The following ADCY5 variants were observed in gnomAD, a reference collection of about 807,000 sequenced individuals.
ADCY5 encodes adenylate cyclase 5.
Under a neutral mutation model 119.7 loss-of-function variants are expected in ADCY5, and 30 were observed. The ratio of observed to expected loss-of-function variants is 0.25; its 90% CI spans 0.19 to 0.34. The LOEUF (loss-of-function observed/expected upper bound fraction) is 0.34, where lower values mean the gene tolerates loss of function less well. Among genes scored for constraint, ADCY5 ranks in the 10% least tolerant of loss-of-function variants. The pLI is 1.00. For missense variants in ADCY5, 1,324 were observed against 1,775.2 expected (o/e 0.75, Z 4.57); for synonymous variants, 753 against 762.2 (o/e 0.99, Z 0.20).
At chr3:123,368,752 C>CAA (rs34756449) in intron 1 of ADCY5, among the ~76,000 whole-genome samples, 26,357 of 133,966 alleles carry the variant, frequency 0.2, 2,733 homozygotes, top group Middle Eastern at 0.26. Flanking sequence ...ACTGTGTCTC[C>CAA]AAAAAAAAAA....
intron 1 of ADCY5, among the ~76,000 whole-genome samples, chr3:123,361,432 T>C (rs922342599): frequency 1.3e-5 from 2 of 152,158 alleles, no homozygotes; most frequent in African/African-American, 4.8e-5. Flanking sequence ...CCCCAGGACA[T>C]TTTCAACATC....
At position 123,320,722 on chromosome 3, in the gene ADCY5, A is replaced by G. The variant is rs772550983; in HGVS notation, c.2111+27T>C. The G allele has an allele frequency of 1.9e-6, 3 of 1,612,124 alleles. No individual in the cohort carries two copies. In the South Asian group the frequency reaches 3.3e-5, roughly 18 times the overall value. On this transcript the variant is annotated intron_variant, in intron 9 of 20. Coordinates refer to ENST00000462833, the MANE Select transcript of ADCY5 (RefSeq NM_183357.3). The stretch of plus-strand genomic sequence containing the variant: ...GAGATATCCCCCAGACCCAGGGAGC[A>G]GGAATAAGGAAGGGCATATTACTCA...
At chr3:123,329,637 C>T (rs1045572409) in intron 5 of ADCY5, among the ~76,000 whole-genome samples, 1 of 152,094 alleles carries the variant, frequency 6.6e-6, no homozygotes, top group African/African-American at 2.4e-5. Context: ...GCCCTAGACC[C>T]TCCCTAACAC....
At chr3:123,311,767 TC>T (rs1301617934) in intron 12 of ADCY5, among the ~76,000 whole-genome samples, 1 of 152,094 alleles carries the variant, frequency 6.6e-6, no homozygotes, top group East Asian at 1.9e-4. Context: ...AAAAGCAGGC[TC>T]CCTGGCTGGA....
rs751557661 is a variant in ADCY5 at position 123,447,822 on chromosome 3, G to C, written c.724C>G (p.Leu242Val). The change falls in exon 1 of 21, where the codon CTC becomes GTC. Residue 242 changes from leucine (L) to valine (V), a missense_variant. Physicochemically the swap from Leu to Val is conservative, Grantham distance 32. Coordinates refer to ENST00000462833, the MANE Select transcript of ADCY5 (RefSeq NM_183357.3). Reference sequence around the variant, plus strand: ...ACCAGCACGGCCATGAGCATGGTGAGGCTGCTCTGGTTCAGGCGGAAGAAG... The same window carrying C: ...ACCAGCACGGCCATGAGCATGGTGACGCTGCTCTGGTTCAGGCGGAAGAAG... ...RYFFRLNQSSLTMLMAVLVLV... is the reference protein window; with the variant it reads ...RYFFRLNQSSVTMLMAVLVLV... 2 of 1,612,866 alleles carry C rather than the reference G, an allele frequency of 1.2e-6. No homozygotes were observed. The highest frequency in any genetic ancestry group is 1.7e-6 in the Non-Finnish European group (2 of 1,179,728).
At chr3:123,348,054 T>TGG in intron 2 of ADCY5, 151 bp from the exon 3 acceptor site, 1 of 740,734 alleles carries the variant, frequency 1.4e-6, no homozygotes. Flanking sequence ...TGTGTGTGTG[T>TGG]GTGTGTGTGT....
chr3:123,333,505 G>A (rs1301097909), intron 3 of ADCY5, among the ~76,000 whole-genome samples: 1 of 152,266 alleles, frequency 6.6e-6, no homozygotes, highest in Admixed American at 6.5e-5. Flanking sequence ...CTGGGCAGGG[G>A]ACAAAGGCCC....
At chr3:123,311,601 G>T (rs1036512973) in intron 12 of ADCY5, among the ~76,000 whole-genome samples, 3 of 152,236 alleles carry the variant, frequency 2.0e-5, no homozygotes, top group African/African-American at 7.2e-5. Flanking sequence ...CTGAGAAGAG[G>T]CTAATCAGGC....
intron 3 of ADCY5, among the ~76,000 whole-genome samples, chr3:123,343,711 G>A (rs909995279): frequency 1.3e-5 from 2 of 152,124 alleles, no homozygotes; most frequent in African/African-American, 4.8e-5. Context: ...TCCCAGGTGT[G>A]GGGAGGGCAC....
chr3:123,331,167 C>T (rs1416472530), intron 4 of ADCY5, 151 bp from the exon 5 acceptor site: 1 of 794,564 alleles, frequency 1.3e-6, no homozygotes, highest in Non-Finnish European at 2.0e-6. Flanking sequence ...CGGCATGGTC[C>T]TGGGACAGGC....
At chr3:123,409,821 G>C (rs79283852) in intron 1 of ADCY5, among the ~76,000 whole-genome samples, 1 of 152,044 alleles carries the variant, frequency 6.6e-6, no homozygotes, top group Admixed American at 6.6e-5. Flanking sequence ...CTCACTCACC[G>C]GCCCCTCCCA....
At chr3:123,411,606 C>T (rs1229854165) in intron 1 of ADCY5, among the ~76,000 whole-genome samples, 2 of 152,194 alleles carry the variant, frequency 1.3e-5, no homozygotes, top group Non-Finnish European at 2.9e-5. Flanking sequence ...CCCCAGCCAG[C>T]AACATGTTTT....
Position 123,328,635 on chromosome 3 carries a change from GTCAC to G in ADCY5, c.1805+5_1805+8del. 1 of 1,613,494 alleles carries G rather than the reference GTCAC, an allele frequency of 6.2e-7. No homozygotes were observed. Among genetic ancestry groups the G allele is most frequent in the Non-Finnish European group, 8.5e-7 (1 of 1,179,890 alleles). ...TCGGGGCCCCAAGCCACCCACAGCT[GTCAC>G]TCACCCTGCCTTGCCGCCAGCCTCC... On this transcript the variant is annotated splice_donor_5th_base_variant and intron_variant, in intron 6 of 20. Coordinates refer to ENST00000462833, the MANE Select transcript of ADCY5 (RefSeq NM_183357.3).
At chr3:123,416,486 A>G (rs2107631827) in intron 1 of ADCY5, 1 of 686,498 alleles carries the variant, frequency 1.5e-6, no homozygotes, top group Non-Finnish European at 2.3e-6. Context: ...AAGGACGCAG[A>G]ACAAGTCTCT....
intron 3 of ADCY5, among the ~76,000 whole-genome samples, chr3:123,341,474 G>C (rs977655778): frequency 2.0e-5 from 3 of 151,958 alleles, no homozygotes; most frequent in Non-Finnish European, 4.4e-5. Context: ...CAGGAGCTTG[G>C]GGGAGGGAGG....
intron 3 of ADCY5, among the ~76,000 whole-genome samples, chr3:123,336,109 C>T (rs766937025): frequency 2.0e-5 from 3 of 152,188 alleles, no homozygotes; most frequent in South Asian, 2.1e-4. Flanking sequence ...CTCTCATGCC[C>T]GGTATCTGGT....
chr3:123,304,013 TG>T, intron 13 of ADCY5, 53 bp downstream of exon 13: 2 of 1,277,284 alleles, frequency 1.6e-6, no homozygotes, highest in Non-Finnish European at 2.3e-6. Flanking sequence ...ATGGCTCCAC[TG>T]GGTTTGATCC....
Position 123,415,732 on chromosome 3 carries a change from AT to A in ADCY5, c.1134+31679del, listed in dbSNP as rs145169155. Among the ~76,000 whole-genome samples, 971 of 152,250 alleles carry A rather than the reference AT, an allele frequency of 6.4e-3. 6 individuals carry two copies. The highest frequency in any genetic ancestry group is 0.021 in the African/African-American group (889 of 41,540). On this transcript the variant is annotated intron_variant, in intron 1 of 20. Coordinates refer to ENST00000462833, the MANE Select transcript of ADCY5 (RefSeq NM_183357.3). The stretch of plus-strand genomic sequence containing the variant: ...TGTTTTTCTTTTTAAGTTCTCCTTC[AT>A]TTAACCCAAACACCATGCCCTTGGA...
At chr3:123,365,893 G>C (rs1468326334) in intron 1 of ADCY5, among the ~76,000 whole-genome samples, 1 of 152,044 alleles carries the variant, frequency 6.6e-6, no homozygotes, top group Admixed American at 6.6e-5. Context: ...GGCAGAGGGA[G>C]GGGAGGGGCC....
Sources: allele counts gnomAD v4.1 joint callset (sites outside exome capture counted in the v4.1 genomes callset), GRCh38; gene constraint gnomAD v4.1.1; transcripts MANE v1.5; gene names NCBI Gene and HGNC (gene_info 2026-07-23, HGNC 2026-07-21).